The following NPC1 variants were observed in gnomAD, a reference collection of about 807,000 sequenced individuals.
NPC1 encodes the protein Niemann-Pick C1 protein.
Under a neutral mutation model 140.4 loss-of-function variants are expected in NPC1, and 85 were observed. The ratio of observed to expected loss-of-function variants is 0.61; its 90% CI spans 0.51 to 0.72. The LOEUF is 0.72. Ranked by LOEUF, NPC1 falls within the 30% of genes least tolerant of loss-of-function variation. The pLI, the probability that NPC1 is intolerant of heterozygous loss-of-function variation, is 0.00. For missense variants in NPC1, 1,504 were observed against 1,623.8 expected (o/e 0.93, Z 1.27); for synonymous variants, 656 against 624.8 (o/e 1.05, Z -0.74).
rs556162692 is a variant in NPC1, at chr18:23,573,439, A to T, written c.180+13T>A. ...GCATTTTGTGTTCCCAGTGCCTAAG[A>T]TAATGAACTTACCTGCACTAAGTCA... On this transcript the variant is annotated intron_variant, in intron 2 of 24. Transcript: ENST00000269228. 4 of 1,614,156 alleles carry T rather than the reference A, an allele frequency of 2.5e-6. No homozygotes were observed. Among genetic ancestry groups the T allele is most frequent in the Non-Finnish European group, 3.4e-6 (4 of 1,179,998 alleles).
At chr18:23,527,408 T>A (rs116801320), downstream of NPC1, among the ~76,000 whole-genome samples, 1,442 of 150,840 alleles carry the variant, frequency 9.6e-3, 25 homozygotes, top group African/African-American at 0.03. Context: ...CAAAAAAAAA[T>A]AATAATAATA....
At chr18:23,530,703 CATTTTTGT>C, downstream of NPC1, 1 of 1,245,864 alleles carries the variant, frequency 8.0e-7, no homozygotes, top group Non-Finnish European at 1.1e-6. Context: ...CCTGGGTTAG[CATTTTTGT>C]AAACAACACA....
downstream of NPC1, among the ~76,000 whole-genome samples, chr18:23,527,426 A>T (rs1209851606): frequency 6.6e-6 from 1 of 151,110 alleles, no homozygotes. Flanking sequence ...ATAATCCCCT[A>T]CCAATATGTG....
chr18:23,527,358 G>A (rs976185987), downstream of NPC1, among the ~76,000 whole-genome samples: 2 of 151,858 alleles, frequency 1.3e-5, no homozygotes, highest in Admixed American at 1.3e-4. Context: ...GTTTGTGTCA[G>A]TGTACCTCCA....
At chr18:23,507,014 A>G (rs1291731740) in intron 3 of NPC1, 20 of 1,610,232 alleles carry the variant, frequency 1.2e-5, no homozygotes, top group Non-Finnish European at 1.7e-5. Flanking sequence ...TTTTCCTTAG[A>G]AAATAAGATA....
chr18:23,533,733 T>TG (rs2058579029), intron 23 of NPC1: 1 of 537,218 alleles, frequency 1.9e-6, no homozygotes, highest in East Asian at 3.4e-5. Context: ...CTCGAACCCC[T>TG]GGCCGCAAGT....
Position 23,561,363 on chromosome 18 carries a change from A to C in NPC1, c.628T>G (p.Ser210Ala), listed in dbSNP as rs1567970319. Reference sequence around the variant, plus strand: ...AACTTGGAATCTTTATACCTACCTGAAAACACAGGAGTGATGGTAAAAGGT... The same window carrying C: ...AACTTGGAATCTTTATACCTACCTGCAAACACAGGAGTGATGGTAAAAGGT... ...QAPFTITPVF[S>A]DFPVHGMEPM... The change falls in exon 5 of 25, where the codon TCA becomes GCA. Residue 210 changes from serine (S) to alanine (A), a missense_variant. Transcript: ENST00000269228. 1 of 1,614,186 alleles carries C rather than the reference A, an allele frequency of 6.2e-7. No individual in the cohort carries two copies. Among genetic ancestry groups the C allele is most frequent in the Non-Finnish European group, 8.5e-7 (1 of 1,180,010 alleles).
Position 23,544,883 on chromosome 18 carries a change from TAA to T in NPC1, c.1947+75_1947+76del. The T allele has an allele frequency of 3.7e-6, 4 of 1,088,938 alleles. No individual in the cohort carries two copies. In the South Asian group the frequency reaches 5.2e-5, roughly 14 times the overall value. 67.5% of individuals were successfully genotyped at this position (1,088,938 alleles called of 1,614,324 possible). A position where few individuals can be genotyped will look rare whatever the true frequency, so the allele number is the denominator to read the frequency against. ...AGTTTTAAACATAATGGAATAAGAA[TAA>T]AGAGGCAAAAATATGACGTTACACT... On this transcript the variant is annotated intron_variant, in intron 12 of 24. Coordinates refer to ENST00000269228, the MANE Select transcript of NPC1 (RefSeq NM_000271.5).
chr18:23,570,569 T>C (rs917744417), intron 3 of NPC1, among the ~76,000 whole-genome samples: 1 of 152,268 alleles, frequency 6.6e-6, no homozygotes, highest in African/African-American at 2.4e-5. Context: ...GAAGCCAACT[T>C]GTGCCCTATC....
At position 23,541,932 on chromosome 18, in the gene NPC1, C is replaced by T. The variant is rs116999738; in HGVS notation, c.2246-499G>A. Among the ~76,000 whole-genome samples, 49 of 152,274 alleles carry T rather than the reference C, an allele frequency of 3.2e-4. 3 individuals carry two copies. The East Asian group carries it at 9.1e-3, about 28-fold the overall frequency. ...CATGAATCAGATGGTTCCTGTTTAG[C>T]CCACACTGTATCAACCCATCTTAAG... On this transcript the variant is annotated intron_variant, in intron 14 of 24. Coordinates refer to ENST00000269228, the MANE Select transcript of NPC1 (RefSeq NM_000271.5).
At chr18:23,557,858 G>T (rs991978157) in intron 6 of NPC1, among the ~76,000 whole-genome samples, 4 of 152,206 alleles carry the variant, frequency 2.6e-5, no homozygotes, top group Non-Finnish European at 5.9e-5. Flanking sequence ...AGAGCTCCTT[G>T]CAGGGCAGGG....
intron 24 of NPC1, chr18:23,533,059 C>A: frequency 4.0e-6 from 3 of 742,382 alleles, no homozygotes; most frequent in Non-Finnish European, 5.6e-6. Flanking sequence ...CAGGGAGGAG[C>A]TGCCCTGCCT....
At chr18:23,582,737 C>T (rs918573350) in intron 1 of NPC1, among the ~76,000 whole-genome samples, 18 of 149,816 alleles carry the variant, frequency 1.2e-4, no homozygotes, top group South Asian at 4.2e-4. Context: ...CCCGGGAGGT[C>T]GAGGCTGTAG....
At chr18:23,527,060 CCACT>C (rs966212915), downstream of NPC1, among the ~76,000 whole-genome samples, 1 of 152,016 alleles carries the variant, frequency 6.6e-6, no homozygotes, top group Admixed American at 6.6e-5. Context: ...AAAATCCAAG[CCACT>C]CACTGCATAT....
At chr18:23,513,028 A>G (rs922147658) in intron 3 of NPC1, among the ~76,000 whole-genome samples, 33 of 152,040 alleles carry the variant, frequency 2.2e-4, no homozygotes, top group Admixed American at 1.3e-3. Context: ...ATCTCAGCTC[A>G]CTGCAACCTC....
At chr18:23,581,002 TAAG>T (rs2059349723) in intron 1 of NPC1, among the ~76,000 whole-genome samples, 1 of 152,244 alleles carries the variant, frequency 6.6e-6, no homozygotes, top group Non-Finnish European at 1.5e-5. Flanking sequence ...TGTGGGTGTT[TAAG>T]TCATATATTT....
intron 22 of NPC1, among the ~76,000 whole-genome samples, chr18:23,534,869 T>C (rs950352630): frequency 6.6e-6 from 1 of 152,206 alleles, no homozygotes; most frequent in African/African-American, 2.4e-5. Flanking sequence ...CTTCTTTTCT[T>C]GGACCTCAGT....
intron 3 of NPC1, among the ~76,000 whole-genome samples, chr18:23,507,270 AT>A (rs532551652): frequency 1.6e-4 from 24 of 151,820 alleles, no homozygotes; most frequent in Non-Finnish European, 2.8e-4. Context: ...TAAATTAAAA[AT>A]TTTTTTTTGA....
In NPC1 at chr18:23,560,453, A is replaced by G; in HGVS notation, c.659T>C (p.Met220Thr). ...SDFPVHGMEPMNNATKGCDES... is the reference protein window; with the variant it reads ...SDFPVHGMEPTNNATKGCDES... ...GTCACAGCCTTTGGTGGCATTGTTC[A>G]TGGGCTCCATCCCATGGACTGGAAA... is the stretch of plus-strand genomic sequence containing the variant. Residue 220 changes from methionine to threonine, a missense_variant, in exon 6 of 25, where the codon ATG (methionine) becomes ACG (threonine). Met to Thr is a moderately conservative substitution (Grantham distance 81, BLOSUM62 -1). Coordinates refer to ENST00000269228, the MANE Select transcript of NPC1 (RefSeq NM_000271.5). 3 of 1,614,190 alleles carry G rather than the reference A, an allele frequency of 1.9e-6. No individual in the cohort carries two copies. The highest frequency in any genetic ancestry group is 1.3e-5 in the African/African-American group (1 of 75,050).
Sources: gnomAD v4.1 joint callset for allele counts (sites outside exome capture counted in the v4.1 genomes callset) on GRCh38, gnomAD v4.1.1 for gene constraint, MANE v1.5 for transcripts, NCBI Gene and HGNC (gene_info 2026-07-23, HGNC 2026-07-21) for gene names.